The following WDR41 variants were observed in gnomAD, a reference collection of about 807,000 sequenced individuals.
WDR41 encodes WD repeat-containing protein 41.
Under a neutral mutation model 69.3 loss-of-function variants are expected in WDR41, and 63 were observed. The ratio of observed to expected loss-of-function variants is 0.91; its 90% CI spans 0.74 to 1.12. The LOEUF (loss-of-function observed/expected upper bound fraction) is 1.12. Ranked by LOEUF, WDR41 falls within the 50% of genes most tolerant of loss-of-function variation. WDR41 has a pLI of 0.00. For missense variants in WDR41, 543 were observed against 534.5 expected (o/e 1.02, Z -0.16); for synonymous variants, 185 against 192.1 (o/e 0.96, Z 0.31).
intron 1 of WDR41, among the ~76,000 whole-genome samples, chr5:77,561,680 A>C (rs1743527220): frequency 6.6e-6 from 1 of 152,142 alleles, no homozygotes; most frequent in Non-Finnish European, 1.5e-5. Context: ...AATTCTCAGA[A>C]TAAGCTAAAC....
At chr5:77,541,597 A>T (rs1002813695) in intron 1 of WDR41, among the ~76,000 whole-genome samples, 9 of 142,988 alleles carry the variant, frequency 6.3e-5, no homozygotes, top group African/African-American at 2.4e-4. Context: ...GGTTCAAGTG[A>T]TTCTCCTGCC....
At chr5:77,528,992 C>T (rs1158053893) in intron 1 of WDR41, among the ~76,000 whole-genome samples, 1 of 151,426 alleles carries the variant, frequency 6.6e-6, no homozygotes, top group Non-Finnish European at 1.5e-5. Context: ...TGCCCACTGT[C>T]ATTTCTTCTA....
intron 1 of WDR41, among the ~76,000 whole-genome samples, chr5:77,596,778 T>C (rs144967901): frequency 9.5e-4 from 144 of 152,228 alleles, no homozygotes; most frequent in African/African-American, 3.3e-3. Flanking sequence ...TCACGGCAAA[T>C]GTCAACACAG....
rs182375475 is a variant in WDR41, at chr5:77,436,502, G to A, written c.1094-108C>T. ...GAGGTTCCAGACTTATTTTAGTCAA[G>A]GGCTAAGTGGACAGTACCTGAGCAC... On this transcript the variant is annotated intron_variant, in intron 11 of 12. Coordinates refer to ENST00000296679, the MANE Select transcript of WDR41 (RefSeq NM_018268.4). The A allele has an allele frequency of 2.2e-4, 302 of 1,363,372 alleles. 1 individual carries two copies. In the African/African-American group the frequency reaches 4.0e-3, roughly 18 times the overall value. The allele number at this position is 1,363,372 out of a possible 1,614,324, so 84.5% of individuals were successfully genotyped here.
chr5:77,538,245 A>G (rs914120739), intron 1 of WDR41, among the ~76,000 whole-genome samples: 1 of 152,230 alleles, frequency 6.6e-6, no homozygotes, highest in Non-Finnish European at 1.5e-5. Context: ...ATGACCTCCA[A>G]TTCTACCCAT....
chr5:77,489,800 AT>A (rs1243905236), intron 1 of WDR41, among the ~76,000 whole-genome samples: 7 of 152,164 alleles, frequency 4.6e-5, no homozygotes, highest in Non-Finnish European at 1.0e-4. Flanking sequence ...CGAATCATGA[AT>A]TTTAGTATTT....
At chr5:77,494,614 A>T (rs1335211292), upstream of WDR41, among the ~76,000 whole-genome samples, 1 of 152,184 alleles carries the variant, frequency 6.6e-6, no homozygotes, top group Non-Finnish European at 1.5e-5. Context: ...CAAGAAGATA[A>T]AACAATTACA....
At chr5:77,514,217 A>G (rs542083191) in intron 1 of WDR41, among the ~76,000 whole-genome samples, 103 of 152,098 alleles carry the variant, frequency 6.8e-4, no homozygotes, top group South Asian at 2.1e-3. Flanking sequence ...TTTTCTGTAC[A>G]CCTACATCCG....
chr5:77,517,018 A>C (rs1802300796), intron 1 of WDR41, among the ~76,000 whole-genome samples: 1 of 91,120 alleles, frequency 1.1e-5, no homozygotes, highest in African/African-American at 9.5e-5. Context: ...TCCATCTCCA[A>C]AAAAAAAAAA....
chr5:77,531,873 T>A (rs186744963), intron 1 of WDR41, among the ~76,000 whole-genome samples: 41 of 152,102 alleles, frequency 2.7e-4, no homozygotes, highest in Admixed American at 7.2e-4. Flanking sequence ...ATTATATGAC[T>A]CCATTCATAT....
chr5:77,480,612 G>T (rs1400865029), intron 2 of WDR41, among the ~76,000 whole-genome samples: 1 of 150,546 alleles, frequency 6.6e-6, no homozygotes, highest in Non-Finnish European at 1.5e-5. Context: ...CTCATAGGTG[G>T]GAACTGAACA....
At chr5:77,461,603 C>A (rs1800065771) in intron 4 of WDR41, among the ~76,000 whole-genome samples, 1 of 152,286 alleles carries the variant, frequency 6.6e-6, no homozygotes, top group Non-Finnish European at 1.5e-5. Flanking sequence ...TTTGGGATGC[C>A]AAGGCGGGCA....
rs368527425 is a variant in WDR41, at chr5:77,480,372, T to C, written c.167+9085A>G. On this transcript the variant is annotated intron_variant, in intron 2 of 12. Transcript: ENST00000296679. ...TCATGCTGCTATAAAGACACATGCA[T>C]ACGTATGTTTATTGCGGCACTATTC... Among the ~76,000 whole-genome samples the C allele has an allele frequency of 4.6e-5, 7 of 152,070 alleles. No individual in the cohort carries two copies. The South Asian group carries it at 6.3e-4, about 14-fold the overall frequency.
chr5:77,452,011 T>G (rs1375075170), intron 6 of WDR41: 1 of 106,306 alleles, frequency 9.4e-6, no homozygotes, highest in Non-Finnish European at 1.9e-5. Context: ...AACCACCACG[T>G]GTTGGCAAAA....
At chr5:77,445,625 CAA>C (rs996795235) in intron 8 of WDR41, among the ~76,000 whole-genome samples, 1 of 152,154 alleles carries the variant, frequency 6.6e-6, no homozygotes, top group African/African-American at 2.4e-5. Flanking sequence ...TCAACATATG[CAA>C]ATCAATAAAC....
intron 1 of WDR41, chr5:77,582,826 A>G (rs1743964191): frequency 6.9e-6 from 11 of 1,601,808 alleles, no homozygotes; most frequent in Non-Finnish European, 9.3e-6. Flanking sequence ...GAAGTCAGTA[A>G]ATGAACTAAT....
intron 2 of WDR41, among the ~76,000 whole-genome samples, chr5:77,475,875 G>A (rs1800898451): frequency 6.6e-6 from 1 of 152,114 alleles, no homozygotes; most frequent in South Asian, 2.1e-4. Context: ...ATTACTATGA[G>A]CTACGGGAGG....
In WDR41 at chr5:77,589,622, T is replaced by C. The variant is rs957231835; in HGVS notation, c.42+30857A>G. The stretch of plus-strand genomic sequence containing the variant: ...AGGATATATTCCTAAGTGTTTTCCA[T>C]GGTATTGCAAAAATTATCATTTTAA... On this transcript the variant is annotated intron_variant, in intron 1 of 5. Transcript: ENST00000509971. 3.9e-4 allele frequency among the ~76,000 whole-genome samples: 60 copies of C among 152,294 alleles called. 1 individual carries two copies. Among genetic ancestry groups the C allele is most frequent in the Admixed American group, 2.0e-4 (3 of 15,298 alleles).
chr5:77,588,471 A>G (rs1399443808), intron 1 of WDR41, among the ~76,000 whole-genome samples: 1 of 152,196 alleles, frequency 6.6e-6, no homozygotes, highest in Non-Finnish European at 1.5e-5. Flanking sequence ...ACATAAGATA[A>G]AGATAAAGAT....
Sources: allele counts gnomAD v4.1 joint callset (sites outside exome capture counted in the v4.1 genomes callset), GRCh38; gene constraint gnomAD v4.1.1; transcripts MANE v1.5; gene names NCBI Gene and HGNC (gene_info 2026-07-23, HGNC 2026-07-21).